The following PCDHA7 variants were observed in gnomAD, a reference collection of about 807,000 sequenced individuals.
The protein encoded by PCDHA7 is protocadherin alpha-7.
Under a neutral mutation model 57.2 loss-of-function variants are expected in PCDHA7, and 37 were observed. The observed-to-expected ratio is 0.65, with a 90% CI of 0.50 to 0.85. The LOEUF is 0.85. Among genes scored for constraint, PCDHA7 ranks in the 40% least tolerant of loss-of-function variants. The pLI, the probability that PCDHA7 is intolerant of heterozygous loss-of-function variation, is 0.00. For missense variants in PCDHA7, 1,188 were observed against 1,241.8 expected (o/e 0.96, Z 0.65); for synonymous variants, 553 against 558.8 (o/e 0.99, Z 0.15).
rs147906609 is a variant in PCDHA7 at position 140,848,609 on chromosome 5, A to G, written c.2355+11871A>G. The G allele has an allele frequency of 2.9e-3, 4,585 of 1,584,560 alleles. 516 individuals carry two copies. Among genetic ancestry groups the G allele is most frequent in the Middle Eastern group, 0.01 (58 of 5,734 alleles). On this transcript the variant is annotated intron_variant, in intron 1 of 3. Coordinates refer to ENST00000525929, the MANE Select transcript of PCDHA7 (RefSeq NM_018910.3). ...AGCTCCACTACTCCGTCCCGGAGGAAGCCGAACACGGCACCTTCGTGGGCC... is the reference window on the plus strand; with the variant it reads ...AGCTCCACTACTCCGTCCCGGAGGAGGCCGAACACGGCACCTTCGTGGGCC...
At chr5:140,858,080 T>C in intron 1 of PCDHA7, 1 of 1,597,738 alleles carries the variant, frequency 6.3e-7, no homozygotes, top group Non-Finnish European at 8.6e-7. Flanking sequence ...ACCCAAGGCC[T>C]CGTCGCGGGC....
intron 1 of PCDHA7, chr5:140,843,709 C>A: frequency 6.3e-7 from 1 of 1,574,864 alleles, no homozygotes; most frequent in Non-Finnish European, 8.7e-7. Flanking sequence ...TTGATCATGG[C>A]CTCAAAGTAA....
chr5:140,926,819 C>T, intron 1 of PCDHA7: 1 of 1,493,950 alleles, frequency 6.7e-7, no homozygotes. Context: ...CTCGTGCTCT[C>T]CAGGAGTCCG....
intron 1 of PCDHA7, chr5:140,852,259 C>A: frequency 2.0e-6 from 1 of 509,052 alleles, no homozygotes; most frequent in Non-Finnish European, 2.6e-6. Flanking sequence ...TTGGAATATG[C>A]TACAATATTA....
At chr5:141,006,363 C>A (rs2098270160) in intron 3 of PCDHA7, among the ~76,000 whole-genome samples, 1 of 152,080 alleles carries the variant, frequency 6.6e-6, no homozygotes, top group Non-Finnish European at 1.5e-5. Context: ...AGGCGCCCAC[C>A]ACCACGCCCG....
At chr5:140,958,696 G>A (rs1276859394) in intron 1 of PCDHA7, among the ~76,000 whole-genome samples, 1 of 152,156 alleles carries the variant, frequency 6.6e-6, no homozygotes, top group African/African-American at 2.4e-5. Flanking sequence ...ATATCCTAGA[G>A]TGACAACTCT....
chr5:140,872,610 T>G (rs1270918795), intron 1 of PCDHA7, among the ~76,000 whole-genome samples: 3 of 152,146 alleles, frequency 2.0e-5, no homozygotes, highest in Non-Finnish European at 4.4e-5. Flanking sequence ...AAAATAATTT[T>G]TTTTGCCTGT....
rs2150447816 is a variant in PCDHA7 at position 140,849,745 on chromosome 5, G to A, written c.2355+13007G>A. On this transcript the variant is annotated intron_variant, in intron 1 of 3. Coordinates refer to ENST00000525929, the MANE Select transcript of PCDHA7 (RefSeq NM_018910.3). Reference sequence around the variant, plus strand: ...CTGGACAGAGCTCTGGACCGCGAGAGTGTGTCCGCCTACGAGCTGGTGGTT... The same window carrying A: ...CTGGACAGAGCTCTGGACCGCGAGAATGTGTCCGCCTACGAGCTGGTGGTT... 2.6e-5 allele frequency: 41 copies of A among 1,598,346 alleles called. 3 individuals are homozygous for A. Among genetic ancestry groups the A allele is most frequent in the African/African-American group, 4.0e-5 (3 of 74,350 alleles).
chr5:140,849,023 G>C (rs2150428994), intron 1 of PCDHA7: 1 of 1,586,580 alleles, frequency 6.3e-7, no homozygotes, highest in East Asian at 2.2e-5. Flanking sequence ...GCCCCAATGA[G>C]TATTTCTTCC....
chr5:140,966,047 T>G (rs1463127286), intron 1 of PCDHA7, among the ~76,000 whole-genome samples: 1 of 152,214 alleles, frequency 6.6e-6, no homozygotes, highest in Admixed American at 6.5e-5. Flanking sequence ...CCATCGCCAG[T>G]AACCCCAGAG....
chr5:140,882,100 C>T, intron 1 of PCDHA7: 1 of 1,277,590 alleles, frequency 7.8e-7, no homozygotes, highest in Non-Finnish European at 1.1e-6. Flanking sequence ...AGAACGTTTC[C>T]GCGAAGAAAG....
intron 1 of PCDHA7, among the ~76,000 whole-genome samples, chr5:140,872,029 A>C (rs782304127): frequency 7.9e-5 from 12 of 152,224 alleles, no homozygotes; most frequent in Admixed American, 2.6e-4. Context: ...GGAACTGCTA[A>C]GCTCAAAGAA....
chr5:140,967,841 A>G, intron 1 of PCDHA7: 1 of 1,614,114 alleles, frequency 6.2e-7, no homozygotes, highest in Non-Finnish European at 8.5e-7. Flanking sequence ...CGTGGACGTG[A>G]ATGACAATGC....
chr5:140,856,465 C>G (rs2044013823), intron 1 of PCDHA7: 1 of 1,598,234 alleles, frequency 6.3e-7, no homozygotes, highest in Non-Finnish European at 8.6e-7. Flanking sequence ...AACAAAAGCT[C>G]TCAATACCTG....
chr5:141,009,771 T>A lies in PCDHA7; in HGVS notation c.2648T>A (p.Ile883Asn). The change falls in exon 4 of 4, where the codon ATC (isoleucine) becomes AAC (asparagine). Residue 883 changes from isoleucine (I) to asparagine (N), a missense_variant. Transcript: ENST00000525929. The part of the protein sequence containing the change: ...DKFIIPGSPA[I>N]ISIRQEPTNS... ...TTCATTATCCCAGGATCTCCTGCAA[T>A]CATCTCCATCCGGCAGGAGCCTACT... 3 of 1,614,082 alleles carry A rather than the reference T, an allele frequency of 1.9e-6. No homozygotes were observed. Among genetic ancestry groups the A allele is most frequent in the Non-Finnish European group, 2.5e-6 (3 of 1,180,020 alleles).
intron 1 of PCDHA7, among the ~76,000 whole-genome samples, chr5:140,969,915 GC>G (rs1181399848): frequency 2.0e-5 from 3 of 152,192 alleles, no homozygotes; most frequent in African/African-American, 7.2e-5. Flanking sequence ...AAGTGATAAA[GC>G]TGTAGTATTT....
intron 1 of PCDHA7, among the ~76,000 whole-genome samples, chr5:140,924,825 G>A (rs1282051408): frequency 1.3e-5 from 2 of 151,514 alleles, no homozygotes; most frequent in African/African-American, 4.9e-5. Flanking sequence ...AACCTGGGAG[G>A]GGGAGGTTGC....
At chr5:140,871,089 C>T in intron 1 of PCDHA7, 1 of 1,613,254 alleles carries the variant, frequency 6.2e-7, no homozygotes, top group Non-Finnish European at 8.5e-7. Flanking sequence ...CGGCCACGGC[C>T]ACCGTGCTGG....
Position 140,968,523 on chromosome 5 carries a change from A to T in PCDHA7, c.2356-10426A>T, listed in dbSNP as rs1441549667. ...CACATTCTGTACCCTACCTCAACCA[A>T]CTCGTCAGCAGCCTTCGAGATGGTG... On this transcript the variant is annotated intron_variant, in intron 1 of 3. Coordinates refer to ENST00000525929, the MANE Select transcript of PCDHA7 (RefSeq NM_018910.3). The T allele has an allele frequency of 1.3e-5, 21 of 1,613,762 alleles. No individual in the cohort carries two copies. Among genetic ancestry groups the T allele is most frequent in the Non-Finnish European group, 1.8e-5 (21 of 1,179,980 alleles).
Sources: allele counts gnomAD v4.1 joint callset (sites outside exome capture counted in the v4.1 genomes callset), GRCh38; gene constraint gnomAD v4.1.1; transcripts MANE v1.5; gene names NCBI Gene and HGNC (gene_info 2026-07-23, HGNC 2026-07-21).